ADAMTSL3: variants seen among roughly 807,000 people sequenced by gnomAD.
ADAMTSL3 encodes ADAMTS-like protein 3.
In ADAMTSL3, 128 loss-of-function variants were observed where a neutral mutation model predicts 201.7. The observed-to-expected ratio is 0.63, with a 90% CI of 0.55 to 0.73. ADAMTSL3 has a LOEUF of 0.73. Ranked by LOEUF, ADAMTSL3 falls within the 30% of genes least tolerant of loss-of-function variation. The probability of loss-of-function intolerance (pLI) is 0.00; values close to 1 mark genes in which losing one functional copy is unlikely to be tolerated. For missense variants in ADAMTSL3, 1,990 were observed against 2,119.6 expected (o/e 0.94, Z 1.20); for synonymous variants, 738 against 748.4 (o/e 0.99, Z 0.23).
chr15:83,752,328 C>T (rs2062649137), intron 3 of ADAMTSL3, among the ~76,000 whole-genome samples: 1 of 151,994 alleles, frequency 6.6e-6, no homozygotes. Context: ...AATTTATTCT[C>T]TATGGTGATT....
chr15:83,864,978 C>T (rs908206852), intron 8 of ADAMTSL3, among the ~76,000 whole-genome samples: 6 of 152,056 alleles, frequency 3.9e-5, no homozygotes, highest in African/African-American at 7.2e-5. Context: ...AACAGACAAA[C>T]GGAGAGCCAA....
intron 17 of ADAMTSL3, among the ~76,000 whole-genome samples, chr15:83,939,427 A>G (rs1696093736): frequency 6.6e-6 from 1 of 152,054 alleles, no homozygotes; most frequent in Admixed American, 6.6e-5. Flanking sequence ...AGTTTTGATA[A>G]GTTGGTTTTT....
At chr15:83,671,788 G>T (rs751485527) in intron 2 of ADAMTSL3, among the ~76,000 whole-genome samples, 6 of 152,056 alleles carry the variant, frequency 3.9e-5, no homozygotes, top group Non-Finnish European at 7.4e-5. Context: ...GTCTCCTATT[G>T]ATCTGTGTCC....
intron 2 of ADAMTSL3, among the ~76,000 whole-genome samples, chr15:83,664,274 GT>G (rs5814158): frequency 5.0e-4 from 73 of 145,700 alleles, no homozygotes; most frequent in African/African-American, 9.1e-4. Flanking sequence ...TTTTCTTTTC[GT>G]TTTTTTTTTT....
intron 23 of ADAMTSL3, among the ~76,000 whole-genome samples, chr15:83,993,276 T>C (rs532553706): frequency 5.3e-5 from 8 of 152,296 alleles, no homozygotes; most frequent in African/African-American, 1.9e-4. Flanking sequence ...GTCATATATC[T>C]TTCTTCCCTC....
intron 13 of ADAMTSL3, among the ~76,000 whole-genome samples, chr15:83,894,775 T>C: frequency 6.6e-6 from 1 of 152,064 alleles, no homozygotes; most frequent in East Asian, 1.9e-4. Flanking sequence ...GTATTTAAAA[T>C]ATTCCTCTGA....
At chr15:83,680,831 A>T (rs1190860485) in intron 2 of ADAMTSL3, among the ~76,000 whole-genome samples, 1 of 151,940 alleles carries the variant, frequency 6.6e-6, no homozygotes, top group Non-Finnish European at 1.5e-5. Context: ...TCTTAATAAG[A>T]TATTGTTCAT....
chr15:83,677,979 C>T (rs2061429230), intron 2 of ADAMTSL3, among the ~76,000 whole-genome samples: 1 of 150,928 alleles, frequency 6.6e-6, no homozygotes, highest in African/African-American at 2.4e-5. Context: ...TCTCTCCCTG[C>T]CTCTCCCCTT....
At chr15:84,010,796 C>T (rs2067993988) in intron 23 of ADAMTSL3, among the ~76,000 whole-genome samples, 1 of 152,160 alleles carries the variant, frequency 6.6e-6, no homozygotes, top group African/African-American at 2.4e-5. Context: ...CCAGGTAATA[C>T]ATTCAATCAA....
chr15:83,714,125 G>A (rs931633092), intron 3 of ADAMTSL3, among the ~76,000 whole-genome samples: 1 of 152,180 alleles, frequency 6.6e-6, no homozygotes. Context: ...TCTGCTTTTT[G>A]TGTAAACCTT....
In ADAMTSL3 at chr15:83,898,009, A is replaced by C. The variant is rs767976600; in HGVS notation, c.1615+4A>C. The C allele has an allele frequency of 6.2e-7, 1 of 1,611,568 alleles. No individual in the cohort carries two copies. The highest frequency in any genetic ancestry group is 8.5e-7 in the Non-Finnish European group (1 of 1,178,538). ...ATCCCGTGTTATAAACCAAAAGGTA[A>C]GTCTGTGGTGCACTGTAAATTCAAA... On this transcript the variant is annotated splice_donor_region_variant and intron_variant, in intron 14 of 29. Coordinates refer to ENST00000286744, the MANE Select transcript of ADAMTSL3 (RefSeq NM_207517.3).
chr15:83,923,682 AG>A (rs2066189454), intron 16 of ADAMTSL3, among the ~76,000 whole-genome samples: 1 of 152,166 alleles, frequency 6.6e-6, no homozygotes, highest in African/African-American at 2.4e-5. Flanking sequence ...GAGGGAGTAA[AG>A]GGACTGAATT....
chr15:83,892,717 G>A lies in ADAMTSL3; in HGVS notation c.1296G>A (p.Val432=). 1 of 1,614,060 alleles carries A rather than the reference G, an allele frequency of 6.2e-7. No individual in the cohort carries two copies. Among genetic ancestry groups the A allele is most frequent in the Admixed American group, 1.7e-5 (1 of 60,008 alleles). ...ATAATCCTTGGACTGCATGTTCCGT[G>A]TCCTGTGGAGGAGGGATTCAGAGAC... ...WEHNPWTACS[V]SCGGGIQRRS... Residue 432 remains valine, a synonymous_variant, in exon 13 of 30, where the codon GTG becomes GTA. Coordinates refer to ENST00000286744, the MANE Select transcript of ADAMTSL3 (RefSeq NM_207517.3).
At chr15:83,903,929 A>AGGGAGGGAGGGAGGGAGG (rs1567226022) in intron 15 of ADAMTSL3, among the ~76,000 whole-genome samples, 1 of 24,232 alleles carries the variant, frequency 4.1e-5, no homozygotes, top group Non-Finnish European at 6.3e-5. Context: ...AAAAAAAAAA[A>AGGGAGGGAGGGAGGGAGG]AAAAAAAAAA....
At chr15:83,773,379 G>T in intron 3 of ADAMTSL3, 144 bp from the exon 4 acceptor site, 2 of 898,340 alleles carry the variant, frequency 2.2e-6, no homozygotes, top group Admixed American at 2.7e-5. Context: ...TTGCACTCCT[G>T]GGCAATAAGA....
intron 7 of ADAMTSL3, 26 bp from the exon 8 acceptor site, chr15:83,858,740 T>C (rs377263020): frequency 1.9e-6 from 3 of 1,590,702 alleles, no homozygotes; most frequent in Middle Eastern, 1.7e-4. Context: ...CTGGTTTTAT[T>C]GCAGTTGCGT....
At chr15:83,839,801 A>T (rs1292749784) in intron 7 of ADAMTSL3, among the ~76,000 whole-genome samples, 1 of 152,062 alleles carries the variant, frequency 6.6e-6, no homozygotes, top group African/African-American at 2.4e-5. Flanking sequence ...CTCGGTGGAC[A>T]TGTTTGCTAT....
chr15:83,679,452 A>G (rs2061449013), intron 2 of ADAMTSL3, among the ~76,000 whole-genome samples: 1 of 151,726 alleles, frequency 6.6e-6, no homozygotes, highest in Non-Finnish European at 1.5e-5. Flanking sequence ...ATCTTATTTG[A>G]TTCAATTTAA....
At chr15:83,819,452 A>C (rs1230306421) in intron 5 of ADAMTSL3, among the ~76,000 whole-genome samples, 1 of 152,120 alleles carries the variant, frequency 6.6e-6, no homozygotes, top group African/African-American at 2.4e-5. Context: ...CCCTTGTTTT[A>C]AAAGGAAGGA....
Sources: allele counts gnomAD v4.1 joint callset (sites outside exome capture counted in the v4.1 genomes callset), GRCh38; gene constraint gnomAD v4.1.1; transcripts MANE v1.5; gene names NCBI Gene and HGNC (gene_info 2026-07-23, HGNC 2026-07-21).